CPNE4: variants seen among roughly 807,000 people sequenced by gnomAD.
The protein encoded by CPNE4 is copine 4.
CPNE4 carries 25 observed loss-of-function variants against 67.9 expected under a neutral mutation model. The ratio of observed to expected loss-of-function variants is 0.37; its 90% confidence interval spans 0.27 to 0.51. The LOEUF (loss-of-function observed/expected upper bound fraction) is 0.51. Ranked by LOEUF, CPNE4 falls within the 20% of genes least tolerant of loss-of-function variation. CPNE4 has a pLI of 0.93. For synonymous variants in CPNE4, 242 were observed against 244.9 expected, an observed-to-expected ratio of 0.99 and a Z score of 0.11; for missense variants, 464 against 690.8, an observed-to-expected ratio of 0.67 and a Z score of 3.68.
intron 1 of CPNE4, among the ~76,000 whole-genome samples, chr3:131,942,326 A>G (rs954022630): frequency 6.6e-6 from 1 of 151,870 alleles, no homozygotes; most frequent in African/African-American, 2.4e-5. Flanking sequence ...TGAAAAATGT[A>G]GTAAGCTTTA....
chr3:131,969,694 TA>T (rs1403785477), intron 1 of CPNE4, among the ~76,000 whole-genome samples: 3 of 152,176 alleles, frequency 2.0e-5, no homozygotes, highest in African/African-American at 7.2e-5. Flanking sequence ...CTTTATAGAT[TA>T]AAGTGACTCC....
intron 7 of CPNE4, among the ~76,000 whole-genome samples, chr3:131,655,593 G>A (rs1462931792): frequency 2.6e-5 from 4 of 152,122 alleles, no homozygotes; most frequent in African/African-American, 9.7e-5. Context: ...AAAGCATGCC[G>A]TGTGGTCAAC....
intron 2 of CPNE4, among the ~76,000 whole-genome samples, chr3:131,746,143 T>A (rs1583128542): frequency 6.6e-6 from 1 of 152,264 alleles, no homozygotes; most frequent in East Asian, 1.9e-4. Context: ...AAAAAATTTA[T>A]CATCAACAGA....
At chr3:131,849,079 C>T (rs78300415) in intron 2 of CPNE4, among the ~76,000 whole-genome samples, 2,832 of 151,488 alleles carry the variant, frequency 0.019, 47 homozygotes, top group Admixed American at 0.033. Context: ...GATTACAATC[C>T]TAATGGTCGA....
chr3:131,840,850 G>T (rs899514057), intron 2 of CPNE4, among the ~76,000 whole-genome samples: 3 of 152,146 alleles, frequency 2.0e-5, no homozygotes, highest in Non-Finnish European at 4.4e-5. Context: ...GGGGCCACCT[G>T]CTGTGTCATC....
chr3:131,826,415 C>T (rs939295905), intron 2 of CPNE4, among the ~76,000 whole-genome samples: 1 of 152,110 alleles, frequency 6.6e-6, no homozygotes, highest in Non-Finnish European at 1.5e-5. Flanking sequence ...CCAGGCTGCT[C>T]TCAAACTCCT....
chr3:131,890,340 T>C (rs1245857548), intron 2 of CPNE4, among the ~76,000 whole-genome samples: 1 of 151,786 alleles, frequency 6.6e-6, no homozygotes, highest in Non-Finnish European at 1.5e-5. Flanking sequence ...AAAAACGTGC[T>C]TAACATCACT....
chr3:131,663,443 C>T (rs6767210), intron 7 of CPNE4, among the ~76,000 whole-genome samples: 69,643 of 151,532 alleles, frequency 0.46, 16,387 homozygotes, highest in Middle Eastern at 0.54. Flanking sequence ...CAAACCTACA[C>T]ATTTTGCACA....
At chr3:131,549,672 T>C (rs555361181) in intron 14 of CPNE4, among the ~76,000 whole-genome samples, 1 of 152,258 alleles carries the variant, frequency 6.6e-6, no homozygotes, top group African/African-American at 2.4e-5. Context: ...TTAGTGAATA[T>C]AGTAGCTTCC....
At chr3:131,855,240 G>T (rs1356966017) in intron 2 of CPNE4, among the ~76,000 whole-genome samples, 2 of 151,930 alleles carry the variant, frequency 1.3e-5, no homozygotes, top group Non-Finnish European at 2.9e-5. Flanking sequence ...ATTGGACAAA[G>T]TCTTAGATCT....
At chr3:131,638,505 G>GC (rs2079452289) in intron 7 of CPNE4, among the ~76,000 whole-genome samples, 2 of 152,100 alleles carry the variant, frequency 1.3e-5, no homozygotes, top group African/African-American at 2.4e-5. Context: ...TAACACTGGA[G>GC]CTCCCAAAGT....
chr3:132,035,843 G>A (rs1583628990), upstream of CPNE4, among the ~76,000 whole-genome samples: 1 of 152,308 alleles, frequency 6.6e-6, no homozygotes, highest in Admixed American at 6.5e-5. Context: ...GTCTCTTTCT[G>A]ACATTGGGAT....
chr3:131,637,659 A>T (rs2079428687), intron 7 of CPNE4, among the ~76,000 whole-genome samples: 1 of 152,230 alleles, frequency 6.6e-6, no homozygotes, highest in African/African-American at 2.4e-5. Flanking sequence ...TTTGCTAGAG[A>T]TCTATACATC....
chr3:131,717,874 T>TTTTCTTTTCTTTC (rs1293126184), intron 3 of CPNE4, among the ~76,000 whole-genome samples: 67 of 97,042 alleles, frequency 6.9e-4, no homozygotes, highest in Non-Finnish European at 9.9e-4. Context: ...TCTTTCTTTC[T>TTTTCTTTTCTTTC]TTTCTTTCTT....
At chr3:131,732,921 C>T (rs1430772278) in intron 2 of CPNE4, among the ~76,000 whole-genome samples, 2 of 152,142 alleles carry the variant, frequency 1.3e-5, no homozygotes, top group Non-Finnish European at 2.9e-5. Context: ...TGGTAACTTC[C>T]TGTTAGTGAC....
chr3:131,748,513 G>C (rs1352769636), intron 2 of CPNE4, among the ~76,000 whole-genome samples: 2 of 151,630 alleles, frequency 1.3e-5, no homozygotes, highest in African/African-American at 4.8e-5. Flanking sequence ...GTGTAAATTG[G>C]GATTAATTCT....
intron 7 of CPNE4, among the ~76,000 whole-genome samples, chr3:131,635,620 CA>C (rs1183237344): frequency 4.6e-5 from 7 of 152,200 alleles, no homozygotes; most frequent in Admixed American, 4.6e-4. Context: ...CAATATTAAA[CA>C]TTCTGTTGAA....
At chr3:131,850,586 G>A (rs561086666) in intron 2 of CPNE4, among the ~76,000 whole-genome samples, 1 of 152,222 alleles carries the variant, frequency 6.6e-6, no homozygotes, top group Admixed American at 6.5e-5. Context: ...CTATGTGGAA[G>A]AATAGCCATT....
At chr3:131,883,824 T>A (rs9865297) in intron 2 of CPNE4, among the ~76,000 whole-genome samples, 43,839 of 152,172 alleles carry the variant, frequency 0.29, 7,390 homozygotes, top group Non-Finnish European at 0.37. Context: ...TCTACAACTT[T>A]TTCATCTTGC....
Sources: gnomAD v4.1 joint callset for allele counts (sites outside exome capture counted in the v4.1 genomes callset) on GRCh38, gnomAD v4.1.1 for gene constraint, MANE v1.5 for transcripts, NCBI Gene and HGNC (gene_info 2026-07-23, HGNC 2026-07-21) for gene names.